SUPT3H: variants seen among roughly 807,000 people sequenced by gnomAD.
SUPT3H encodes transcription initiation protein SPT3 homolog.
SUPT3H carries 44 observed loss-of-function variants against 44.3 expected under a neutral mutation model. The observed-to-expected ratio is 0.99, with a 90% CI of 0.78 to 1.28. The LOEUF (loss-of-function observed/expected upper bound fraction) is 1.28, where lower values mean the gene tolerates loss of function less well. SUPT3H is among the 50% of genes most tolerant of loss of function. The pLI, the probability that SUPT3H is intolerant of heterozygous loss-of-function variation, is 0.00. For synonymous variants in SUPT3H, 124 were observed against 125.6 expected (o/e 0.99, Z 0.09); for missense variants, 380 against 387.1 (o/e 0.98, Z 0.15).
chr6:45,282,400 TG>T (rs1433592876), intron 2 of SUPT3H, among the ~76,000 whole-genome samples: 2 of 152,100 alleles, frequency 1.3e-5, no homozygotes, highest in African/African-American at 4.8e-5. Flanking sequence ...AAGGACCTGA[TG>T]GAGCTGAAAA....
intron 4 of SUPT3H, 106 bp downstream of exon 4, chr6:45,020,440 T>G: frequency 2.6e-6 from 2 of 778,572 alleles, no homozygotes. Flanking sequence ...AGTTCAATAG[T>G]TATTATTTTA....
chr6:44,933,760 C>T (rs941151212), intron 9 of SUPT3H, among the ~76,000 whole-genome samples: 1 of 152,162 alleles, frequency 6.6e-6, no homozygotes, highest in Non-Finnish European at 1.5e-5. Context: ...CCTCTGGCCT[C>T]AGCCTCTGAA....
intron 10 of SUPT3H, among the ~76,000 whole-genome samples, chr6:44,894,949 C>T (rs1307368261): frequency 6.6e-6 from 1 of 151,386 alleles, no homozygotes; most frequent in Non-Finnish European, 1.5e-5. Context: ...TTCACTTTTC[C>T]ACTAGGTAAA....
At chr6:44,969,683 T>G (rs190294749) in intron 6 of SUPT3H, among the ~76,000 whole-genome samples, 6 of 152,310 alleles carry the variant, frequency 3.9e-5, no homozygotes, top group Admixed American at 3.9e-4. Context: ...GAATCCTGAC[T>G]GATGAAGTAG....
At chr6:44,930,592 A>G (rs1024642944) in intron 10 of SUPT3H, among the ~76,000 whole-genome samples, 27 of 145,196 alleles carry the variant, frequency 1.9e-4, no homozygotes, top group African/African-American at 5.8e-4. Flanking sequence ...AAAAAAGTGC[A>G]GGCATATTCA....
At chr6:44,845,538 C>T (rs745330958) in intron 10 of SUPT3H, among the ~76,000 whole-genome samples, 11 of 152,296 alleles carry the variant, frequency 7.2e-5, no homozygotes, top group Admixed American at 2.6e-4. Context: ...CCTGTACCCA[C>T]AGACCTAGGT....
rs146397823 is a variant in SUPT3H, at chr6:44,835,406, G to A, written c.913-5549C>T. ...GCCACAGGAGCTGCCCTGTCACCAA[G>A]AGCCTGGGGTTTTCCAAATTCTTCA... On this transcript the variant is annotated intron_variant, in intron 10 of 10. Transcript: ENST00000371459. 2.1e-3 allele frequency among the ~76,000 whole-genome samples: 321 copies of A among 152,236 alleles called. 1 individual carries two copies. Among genetic ancestry groups the A allele is most frequent in the African/African-American group, 7.4e-3 (307 of 41,538 alleles).
intron 11 of SUPT3H, among the ~76,000 whole-genome samples, chr6:44,815,995 T>C (rs905887818): frequency 6.6e-6 from 1 of 152,050 alleles, no homozygotes; most frequent in African/African-American, 2.4e-5. Flanking sequence ...AAGCAAACCT[T>C]AGAAAACCTA....
At chr6:45,153,718 A>G (rs1402058593) in intron 2 of SUPT3H, among the ~76,000 whole-genome samples, 7 of 152,138 alleles carry the variant, frequency 4.6e-5, no homozygotes, top group Non-Finnish European at 1.0e-4. Flanking sequence ...CAAAAATACA[A>G]AAGTAGCCAG....
rs1721955075 is a variant in SUPT3H at position 45,276,038 on chromosome 6, T to C, written c.101+89163A>G. Among the ~76,000 whole-genome samples the C allele has an allele frequency of 3.3e-5, 5 of 152,178 alleles. No individual in the cohort carries two copies. In the South Asian group the frequency reaches 1.0e-3, roughly 32 times the overall value. ...TAAGAAAATACATACCTGTCAGGTA[T>C]GTATATTATTTTCCCCCAGAAACAG... is the stretch of plus-strand genomic sequence containing the variant. On this transcript the variant is annotated intron_variant, in intron 2 of 10. Transcript: ENST00000371459.
Position 45,314,861 on chromosome 6 carries a change from G to A in SUPT3H, c.101+50340C>T, listed in dbSNP as rs111925686. On this transcript the variant is annotated intron_variant, in intron 2 of 10. Transcript: ENST00000371459. Reference sequence around the variant, plus strand: ...GCTAAGCAAAAAGAACAAATCTGGAGGCATCATATTACCTGATTTCAAAAT... The same window carrying A: ...GCTAAGCAAAAAGAACAAATCTGGAAGCATCATATTACCTGATTTCAAAAT... Among the ~76,000 whole-genome samples, 1,210 of 152,170 alleles carry A rather than the reference G, an allele frequency of 8.0e-3. 24 individuals carry two copies. Among genetic ancestry groups the A allele is most frequent in the African/African-American group, 0.028 (1,143 of 41,524 alleles).
chr6:44,933,512 CATA>C (rs1770925396), intron 9 of SUPT3H, among the ~76,000 whole-genome samples: 1 of 152,124 alleles, frequency 6.6e-6, no homozygotes, highest in Non-Finnish European at 1.5e-5. Context: ...TGCCAAGATA[CATA>C]ATATCTCGGG....
chr6:45,002,160 A>G (rs56028941), intron 6 of SUPT3H, among the ~76,000 whole-genome samples: 3,181 of 152,174 alleles, frequency 0.021, 114 homozygotes, highest in African/African-American at 0.072. Context: ...TATGTAATAC[A>G]TAACTATAAA....
At chr6:45,341,181 A>G (rs188318039) in intron 2 of SUPT3H, among the ~76,000 whole-genome samples, 218 of 152,290 alleles carry the variant, frequency 1.4e-3, no homozygotes, top group Middle Eastern at 0.014. Context: ...AAAGTTCTCA[A>G]ACAAGCCACA....
intron 6 of SUPT3H, among the ~76,000 whole-genome samples, chr6:44,986,119 G>C (rs1304008967): frequency 6.6e-6 from 1 of 152,136 alleles, no homozygotes; most frequent in Non-Finnish European, 1.5e-5. Context: ...TAAAATTAGG[G>C]AGCCTAGCAA....
Position 45,309,643 on chromosome 6 carries a change from G to GA in SUPT3H, c.101+55557dup, listed in dbSNP as rs910321911. On this transcript the variant is annotated intron_variant, in intron 2 of 10. Coordinates refer to ENST00000371459, the MANE Select transcript of SUPT3H (RefSeq NM_003599.4). ...ATATAAATATCAACATATAGGCAGG[G>GA]AAAAAAATCTCCCATCAGAGTTAAT... Among the ~76,000 whole-genome samples the GA allele has an allele frequency of 3.6e-4, 55 of 151,932 alleles. 1 individual carries two copies. The highest frequency in any genetic ancestry group is 1.3e-3 in the African/African-American group (55 of 41,456).
intron 10 of SUPT3H, among the ~76,000 whole-genome samples, chr6:44,884,793 G>A (rs563329606): frequency 6.6e-6 from 1 of 152,302 alleles, no homozygotes; most frequent in Non-Finnish European, 1.5e-5. Context: ...CACTGTGGGC[G>A]AGCCGAAGCA....
intron 10 of SUPT3H, among the ~76,000 whole-genome samples, chr6:44,904,295 T>C (rs1429684974): frequency 6.6e-6 from 1 of 152,168 alleles, no homozygotes; most frequent in Admixed American, 6.5e-5. Flanking sequence ...CAAATCTCCT[T>C]AAGCTGATAA....
At chr6:45,067,344 T>A (rs1481452687) in intron 3 of SUPT3H, among the ~76,000 whole-genome samples, 1 of 128,036 alleles carries the variant, frequency 7.8e-6, no homozygotes, top group Non-Finnish European at 1.7e-5. Flanking sequence ...ACGTTAGACC[T>A]AAAACCATAA....
Sources: gnomAD v4.1 joint callset for allele counts (sites outside exome capture counted in the v4.1 genomes callset) on GRCh38, gnomAD v4.1.1 for gene constraint, MANE v1.5 for transcripts, NCBI Gene and HGNC (gene_info 2026-07-23, HGNC 2026-07-21) for gene names.